The following TSHR variants were observed in gnomAD, a reference collection of about 807,000 sequenced individuals.
TSHR encodes thyrotropin receptor.
TSHR carries 51 observed loss-of-function variants against 64.1 expected under a neutral mutation model. The observed-to-expected ratio is 0.80, with a 90% CI of 0.64 to 1.01. TSHR has a LOEUF of 1.01. Ranked by LOEUF, TSHR falls within the 50% of genes least tolerant of loss-of-function variation. TSHR has a pLI of 0.00. For synonymous variants in TSHR, 361 were observed against 361.9 expected, an observed-to-expected ratio of 1.00 and a Z score of 0.03; for missense variants, 877 against 942.8, an observed-to-expected ratio of 0.93 and a Z score of 0.91.
intron 8 of TSHR, among the ~76,000 whole-genome samples, chr14:81,121,396 A>T (rs1287198197): frequency 1.3e-5 from 2 of 152,192 alleles, no homozygotes; most frequent in East Asian, 1.9e-4. Flanking sequence ...ACTACCAATC[A>T]AGTATGATTG....
intron 1 of TSHR, among the ~76,000 whole-genome samples, chr14:81,010,629 T>A (rs114104971): frequency 0.012 from 1,794 of 152,278 alleles, 21 homozygotes; most frequent in African/African-American, 0.016. Flanking sequence ...GAAAATATAT[T>A]AAAATAACCA....
At chr14:81,073,017 A>AAAAAAAAAAAATAT (rs1555376957) in intron 3 of TSHR, among the ~76,000 whole-genome samples, 1 of 91,196 alleles carries the variant, frequency 1.1e-5, no homozygotes, top group African/African-American at 4.5e-5. Flanking sequence ...AAAAATAAAA[A>AAAAAAAAAAAATAT]ATAAATATAT....
chr14:80,984,085 G>T (rs1351487388), intron 1 of TSHR, among the ~76,000 whole-genome samples: 2 of 152,136 alleles, frequency 1.3e-5, no homozygotes, highest in African/African-American at 4.8e-5. Flanking sequence ...GTGTGTGAGT[G>T]TGCACGTGTA....
intron 7 of TSHR, chr14:81,105,128 C>A: frequency 5.1e-6 from 5 of 985,258 alleles, no homozygotes; most frequent in Non-Finnish European, 6.0e-6. Context: ...GTAGGTTAAC[C>A]AGATAGCCTA....
At chr14:81,082,636 CAAATT>C (rs113712880) in intron 3 of TSHR, among the ~76,000 whole-genome samples, 4,333 of 152,194 alleles carry the variant, frequency 0.028, 208 homozygotes, top group African/African-American at 0.097. Flanking sequence ...AATTGAAAAT[CAAATT>C]GAAACAAGAG....
rs1889726977 is a variant in TSHR at position 81,103,742 on chromosome 14, T to C, written c.615-4633T>C. ...ACAAGTTAAGTCACACATTCATTGT[T>C]TGGAATTTCTTTTCCATCCTCTTTC... is the stretch of plus-strand genomic sequence containing the variant. On this transcript the variant is annotated intron_variant, in intron 7 of 9. Coordinates refer to ENST00000298171, the MANE Select transcript of TSHR (RefSeq NM_000369.5). This position sits in a 1 kb window ranked among gnomAD's most constrained non-coding sequence, Gnocchi z 4.1. The C allele has an allele frequency of 1.0e-6, 1 of 985,500 alleles. No individual in the cohort carries two copies. The highest frequency in any genetic ancestry group is 4.7e-5 in the South Asian group (1 of 21,292). The allele number at this position is 985,500 out of a possible 1,614,324, so 61.0% of individuals were successfully genotyped here.
chr14:80,956,880 C>A lies in TSHR; in HGVS notation c.170+1030C>A, dbSNP rs146013495. Among the ~76,000 whole-genome samples the A allele has an allele frequency of 2.4e-4, 36 of 152,278 alleles. No homozygotes were observed. The East Asian group carries it at 6.6e-3, about 28-fold the overall frequency. ...CTGAATTAATTAGTTCAATAACCTC[C>A]AAACAGTGTGGTAGTCATTCTCCAT... On this transcript the variant is annotated intron_variant, in intron 1 of 9. Coordinates refer to ENST00000298171, the MANE Select transcript of TSHR (RefSeq NM_000369.5).
In TSHR at chr14:81,139,750, G is replaced by T; in HGVS notation, c.764G>T (p.Arg255Ile). The stretch of plus-strand genomic sequence containing the variant: ...GAGCACCTGAAGGAACTGATAGCAA[G>T]AAACACCTGGACTCTTAAGAAACTT... Reference protein sequence around the residue: ...GLEHLKELIARNTWTLKKLPL... With the variant: ...GLEHLKELIAINTWTLKKLPL... The change falls in exon 9 of 10, where the codon AGA becomes ATA. Residue 255 changes from arginine (R) to isoleucine (I), a missense_variant. Coordinates refer to ENST00000298171, the MANE Select transcript of TSHR (RefSeq NM_000369.5). The T allele has an allele frequency of 6.2e-7, 1 of 1,614,204 alleles. No individual in the cohort carries two copies. Among genetic ancestry groups the T allele is most frequent in the Non-Finnish European group, 8.5e-7 (1 of 1,180,034 alleles).
At chr14:81,056,459 G>A (rs921879699) in intron 1 of TSHR, among the ~76,000 whole-genome samples, 7 of 152,184 alleles carry the variant, frequency 4.6e-5, no homozygotes, top group South Asian at 2.1e-4. Flanking sequence ...TATATACACC[G>A]AAGTATATAA....
At chr14:81,114,127 A>G (rs1890358081) in intron 8 of TSHR, among the ~76,000 whole-genome samples, 1 of 51,778 alleles carries the variant, frequency 1.9e-5, no homozygotes, top group Non-Finnish European at 6.0e-5. Flanking sequence ...AGGCCCAAGG[A>G]AAAGAAAAAA....
At chr14:81,064,639 A>G (rs1435707123) in intron 2 of TSHR, among the ~76,000 whole-genome samples, 1 of 152,192 alleles carries the variant, frequency 6.6e-6, no homozygotes, top group Non-Finnish European at 1.5e-5. Context: ...AACACAATAA[A>G]TAAGTAAATT....
intron 3 of TSHR, among the ~76,000 whole-genome samples, chr14:81,083,123 T>G (rs937170402): frequency 7.2e-5 from 11 of 152,216 alleles, no homozygotes; most frequent in African/African-American, 2.4e-4. Context: ...TCTCTCATCC[T>G]GCTGATTTCC....
Position 81,000,369 on chromosome 14 carries a change from G to A in TSHR, c.170+44519G>A, listed in dbSNP as rs192137996. Among the ~76,000 whole-genome samples, 7 of 152,182 alleles carry A rather than the reference G, an allele frequency of 4.6e-5. No individual in the cohort carries two copies. In the South Asian group the frequency reaches 8.3e-4, roughly 18 times the overall value. On this transcript the variant is annotated intron_variant, in intron 1 of 9. Coordinates refer to ENST00000298171, the MANE Select transcript of TSHR (RefSeq NM_000369.5). Reference sequence around the variant, plus strand: ...TGTTTAACAATGTTTTTCTGGATTCGGATGACCAGGATCACTGCTGGGAAC... The same window carrying A: ...TGTTTAACAATGTTTTTCTGGATTCAGATGACCAGGATCACTGCTGGGAAC...
chr14:81,122,525 T>A (rs1890846745), intron 8 of TSHR, among the ~76,000 whole-genome samples: 1 of 151,798 alleles, frequency 6.6e-6, no homozygotes, highest in Non-Finnish European at 1.5e-5. Context: ...CAGTACTGAA[T>A]ATGGGTTTAA....
At chr14:81,023,512 T>C (rs1274793249) in intron 1 of TSHR, among the ~76,000 whole-genome samples, 1 of 152,026 alleles carries the variant, frequency 6.6e-6, no homozygotes, top group Non-Finnish European at 1.5e-5. Context: ...TAAAGATGTG[T>C]GTTTGGGGGC....
At chr14:80,999,905 G>A (rs917619230) in intron 1 of TSHR, among the ~76,000 whole-genome samples, 3 of 151,194 alleles carry the variant, frequency 2.0e-5, no homozygotes, top group African/African-American at 4.9e-5. Context: ...AATTTTTGGG[G>A]AAGACTACCA....
In TSHR at chr14:81,103,850, AC is replaced by A. The variant is rs1889733397; in HGVS notation, c.615-4524del. On this transcript the variant is annotated intron_variant, in intron 7 of 9. Coordinates refer to ENST00000298171, the MANE Select transcript of TSHR (RefSeq NM_000369.5). The surrounding 1 kb of genome is among the most constrained non-coding windows in gnomAD (Gnocchi z 4.1). ...CATTTCCTATTGTCAAACTCTAGTAACTAGCTACTATCTGACAGTAAACATT... is the reference window on the plus strand; with the variant it reads ...CATTTCCTATTGTCAAACTCTAGTAATAGCTACTATCTGACAGTAAACATT... The A allele has an allele frequency of 4.1e-6, 4 of 985,486 alleles. No homozygotes were observed. Among genetic ancestry groups the A allele is most frequent in the Non-Finnish European group, 4.8e-6 (4 of 829,940 alleles). 61.0% of individuals were successfully genotyped at this position (985,486 alleles called of 1,614,324 possible).
At chr14:81,023,311 A>G (rs917087828) in intron 1 of TSHR, among the ~76,000 whole-genome samples, 1 of 151,686 alleles carries the variant, frequency 6.6e-6, no homozygotes, top group Non-Finnish European at 1.5e-5. Flanking sequence ...AAGGGGAAAG[A>G]CCCACCCCCA....
chr14:81,109,012 A>C (rs1890100347), intron 8 of TSHR: 1 of 1,241,790 alleles, frequency 8.1e-7, no homozygotes, highest in Non-Finnish European at 1.0e-6. Flanking sequence ...GGTTCTATTG[A>C]TTCTGCTTCC....
Sources: allele counts gnomAD v4.1 joint callset (sites outside exome capture counted in the v4.1 genomes callset), GRCh38; gene constraint gnomAD v4.1.1; non-coding constraint Gnocchi (gnomAD v3.1); transcripts MANE v1.5; gene names NCBI Gene and HGNC (gene_info 2026-07-23, HGNC 2026-07-21).